ADCY3: variants seen among roughly 807,000 people sequenced by gnomAD.
ADCY3 encodes adenylate cyclase 3, also known as adenylate cyclase type 3.
A neutral mutation model predicts 119.4 loss-of-function variants in ADCY3; 70 were observed. The ratio of observed to expected loss-of-function variants is 0.59; its 90% CI spans 0.48 to 0.72. The LOEUF is 0.72. ADCY3 is among the 30% of genes least tolerant of loss of function. The pLI, the probability that ADCY3 is intolerant of heterozygous loss-of-function variation, is 0.00. For synonymous variants in ADCY3, 672 were observed against 621.4 expected, an observed-to-expected ratio of 1.08 and a Z score of -1.21; for missense variants, 1,238 against 1,541.6, an observed-to-expected ratio of 0.80 and a Z score of 3.30.
intron 3 of ADCY3, among the ~76,000 whole-genome samples, chr2:24,862,168 G>A (rs1444194061): frequency 6.6e-6 from 1 of 151,174 alleles, no homozygotes; most frequent in Non-Finnish European, 1.5e-5. Flanking sequence ...AGGACTGTGG[G>A]ACTGTGCTAG....
At chr2:24,848,023 G>T (rs1671851642) in intron 3 of ADCY3, among the ~76,000 whole-genome samples, 1 of 152,234 alleles carries the variant, frequency 6.6e-6, no homozygotes. Flanking sequence ...GCCTGGCTCA[G>T]CCCCCAGCCC....
At chr2:24,863,321 G>T (rs1258374948) in intron 3 of ADCY3, among the ~76,000 whole-genome samples, 2 of 152,058 alleles carry the variant, frequency 1.3e-5, no homozygotes, top group Non-Finnish European at 2.9e-5. Context: ...AAGAGAGACT[G>T]GCCTAGCCTC....
At chr2:24,822,211 C>T (rs753418735) in intron 19 of ADCY3, 2 of 253,590 alleles carry the variant, frequency 7.9e-6, no homozygotes, top group Non-Finnish European at 1.5e-5. Context: ...TTCAGTTTCC[C>T]TTGTTGACAA....
At position 24,835,738 on chromosome 2, in the gene ADCY3, C is replaced by A. The variant is rs1467617847; in HGVS notation, c.1663-802G>T. On this transcript the variant is annotated intron_variant, in intron 9 of 21. Coordinates refer to ENST00000679454, the MANE Select transcript of ADCY3 (RefSeq NM_004036.5). Reference sequence around the variant, plus strand: ...ATCACTTGAGGTCAGGAGTTTGAGACCAGACTGGCCAACATAGTGAAACTC... The same window carrying A: ...ATCACTTGAGGTCAGGAGTTTGAGAACAGACTGGCCAACATAGTGAAACTC... Among the ~76,000 whole-genome samples the A allele has an allele frequency of 4.6e-5, 7 of 152,174 alleles. No individual in the cohort carries two copies. The East Asian group carries it at 9.7e-4, about 21-fold the overall frequency.
At chr2:24,826,477 C>T (rs1412471076) in intron 15 of ADCY3, 1 of 217,892 alleles carries the variant, frequency 4.6e-6, no homozygotes, top group Non-Finnish European at 9.0e-6. Context: ...GATGGGATTT[C>T]ATAGCCATGG....
rs373938367 is a variant in ADCY3, at chr2:24,918,898, G to A, written c.90C>T (p.Arg30=). ...AGATTTCATGGGTCCGGCCCACCCC[G>A]CGGTCAGGGTCGGAGGGCAGGCTGA... ...YSVSLPSDPD[R]GVGRTHEISV... Residue 30 remains arginine (R), a synonymous_variant, in exon 2 of 22, where the codon CGC becomes CGT. Transcript: ENST00000679454. The surrounding 1 kb of genome is among the most constrained non-coding windows in gnomAD (Gnocchi z 5.4). The A allele has an allele frequency of 3.7e-5, 60 of 1,612,920 alleles. No homozygotes were observed. In the African/African-American group the frequency reaches 7.7e-4, roughly 21 times the overall value.
Position 24,820,345 on chromosome 2 carries a change from C to T in ADCY3, c.3253-231G>A, listed in dbSNP as rs187491449. 3.0e-5 allele frequency: 40 copies of T among 1,335,958 alleles called. No individual in the cohort carries two copies. The Admixed American group carries it at 1.1e-3, about 36-fold the overall frequency. 82.8% of individuals were successfully genotyped at this position (1,335,958 alleles called of 1,614,324 possible). A position where few individuals can be genotyped will look rare whatever the true frequency, so the allele number is the denominator to read the frequency against. ...CTCCTCTCATCCAGAGACTTCTCTC[C>T]TAGGATGGCCATGGTCACCTGGGTG... On this transcript the variant is annotated intron_variant, in intron 21 of 21. Transcript: ENST00000679454.
At chr2:24,870,524 C>T (rs1674863339) in intron 3 of ADCY3, among the ~76,000 whole-genome samples, 1 of 152,072 alleles carries the variant, frequency 6.6e-6, no homozygotes, top group African/African-American at 2.4e-5. Context: ...CCCCTCAACT[C>T]CCCCCACACC....
At chr2:24,896,157 G>A (rs555757091) in intron 2 of ADCY3, among the ~76,000 whole-genome samples, 2 of 152,224 alleles carry the variant, frequency 1.3e-5, no homozygotes, top group East Asian at 3.9e-4. Context: ...AGGCCGAGAT[G>A]GGCAGATCAT....
intron 3 of ADCY3, among the ~76,000 whole-genome samples, chr2:24,847,139 G>C (rs1462083918): frequency 6.6e-6 from 1 of 152,158 alleles, no homozygotes; most frequent in Non-Finnish European, 1.5e-5. Flanking sequence ...GGGACCCAGA[G>C]GGAGATCATT....
At position 24,898,210 on chromosome 2, in the gene ADCY3, C is replaced by A. The variant is rs1184661128; in HGVS notation, c.675+20103G>T. 3.3e-5 allele frequency among the ~76,000 whole-genome samples: 5 copies of A among 152,142 alleles called. No homozygotes were observed. The highest frequency in any genetic ancestry group is 5.9e-5 in the Non-Finnish European group (4 of 68,028). ...TCGAAATCCAACGTGCCCTTCACGG[C>A]CCAGCTCAGTACTCCTCCTCCTGAG... On this transcript the variant is annotated intron_variant, in intron 2 of 21. Coordinates refer to ENST00000679454, the MANE Select transcript of ADCY3 (RefSeq NM_004036.5). The surrounding 1 kb of genome is among the most constrained non-coding windows in gnomAD (Gnocchi z 4.3).
Position 24,858,532 on chromosome 2 carries a change from A to G in ADCY3, c.825+14038T>C, listed in dbSNP as rs545264056. ...TCTCATTATTAAATGAAATAATCCA[A>G]TGAAAACACCATCCAGGGCCTGGCA... On this transcript the variant is annotated intron_variant, in intron 3 of 21. Coordinates refer to ENST00000679454, the MANE Select transcript of ADCY3 (RefSeq NM_004036.5). 2.3e-4 allele frequency among the ~76,000 whole-genome samples: 35 copies of G among 152,326 alleles called. No individual in the cohort carries two copies. The South Asian group carries it at 5.6e-3, about 24-fold the overall frequency.
intron 3 of ADCY3, among the ~76,000 whole-genome samples, chr2:24,848,078 C>T (rs1378370406): frequency 6.6e-6 from 1 of 152,234 alleles, no homozygotes; most frequent in African/African-American, 2.4e-5. Context: ...ACAAGCCCCC[C>T]AAAATCTGGC....
chr2:24,881,268 G>C (rs988605598), intron 2 of ADCY3, among the ~76,000 whole-genome samples: 5 of 152,216 alleles, frequency 3.3e-5, no homozygotes, highest in East Asian at 1.9e-4. Flanking sequence ...GCCCAGATCA[G>C]CCCCACCCCA....
intron 2 of ADCY3, among the ~76,000 whole-genome samples, chr2:24,888,718 G>A (rs1677345345): frequency 6.6e-6 from 1 of 152,156 alleles, no homozygotes; most frequent in South Asian, 2.1e-4. Flanking sequence ...TTACCAAAAT[G>A]GTGGAAAGGG....
intron 11 of ADCY3, 30 bp from the exon 12 acceptor site, chr2:24,831,779 G>A: frequency 6.7e-7 from 1 of 1,498,562 alleles, no homozygotes; most frequent in Non-Finnish European, 9.1e-7. Context: ...ATTGGGAGAG[G>A]CCAGAGGGGA....
chr2:24,827,170 G>A (rs1240139436), intron 15 of ADCY3, among the ~76,000 whole-genome samples: 2 of 152,160 alleles, frequency 1.3e-5, no homozygotes, highest in Non-Finnish European at 2.9e-5. Context: ...GAGAACTTCT[G>A]GTTCAGTATC....
At chr2:24,907,097 C>T (rs1367027913) in intron 2 of ADCY3, among the ~76,000 whole-genome samples, 1 of 152,206 alleles carries the variant, frequency 6.6e-6, no homozygotes, top group South Asian at 2.1e-4. Context: ...CACCACTGCA[C>T]TCAAGAGCAA....
intron 3 of ADCY3, among the ~76,000 whole-genome samples, chr2:24,864,589 C>T (rs1194615679): frequency 6.6e-6 from 1 of 152,206 alleles, no homozygotes; most frequent in African/African-American, 2.4e-5. Flanking sequence ...ACCTTGAAGA[C>T]ATCATGCTAA....
Sources: allele counts gnomAD v4.1 joint callset (sites outside exome capture counted in the v4.1 genomes callset), GRCh38; gene constraint gnomAD v4.1.1; non-coding constraint Gnocchi (gnomAD v3.1); transcripts MANE v1.5; gene names NCBI Gene and HGNC (gene_info 2026-07-23, HGNC 2026-07-21).